Variants in SGCZ observed in about 807,000 individuals in gnomAD.
SGCZ encodes the protein sarcoglycan zeta, also known as zeta-sarcoglycan.
A neutral mutation model predicts 41.3 loss-of-function variants in SGCZ; 40 were observed. The ratio of observed to expected loss-of-function variants is 0.97; its 90% confidence interval spans 0.75 to 1.26. The LOEUF (loss-of-function observed/expected upper bound fraction) is 1.26. Ranked by LOEUF, SGCZ falls within the 50% of genes most tolerant of loss-of-function variation. The pLI is 0.00. For missense variants in SGCZ, 552 were observed against 369.8 expected (o/e 1.49, Z -4.04); for synonymous variants, 206 against 137.5 (o/e 1.50, Z -3.49).
At chr8:14,650,942 T>C (rs532711714) in intron 1 of SGCZ, among the ~76,000 whole-genome samples, 45 of 152,158 alleles carry the variant, frequency 3.0e-4, no homozygotes, top group African/African-American at 1.1e-3. Flanking sequence ...CTAGAACAAA[T>C]GACTAAATGC....
chr8:14,914,661 T>C (rs1799374948), intron 1 of SGCZ, among the ~76,000 whole-genome samples: 1 of 152,152 alleles, frequency 6.6e-6, no homozygotes, highest in South Asian at 2.1e-4. Flanking sequence ...ACAAAGGCAC[T>C]TAAAATAATT....
chr8:14,945,929 C>G (rs1436518311), intron 1 of SGCZ, among the ~76,000 whole-genome samples: 1 of 140,348 alleles, frequency 7.1e-6, no homozygotes, highest in African/African-American at 2.7e-5. Flanking sequence ...ATTGGCATGC[C>G]AGATTGCAGA....
rs572485842 is a variant in SGCZ at position 15,238,345 on chromosome 8, G to A, written c.-722C>T. 2 of 152,342 alleles carry A rather than the reference G, an allele frequency of 1.3e-5. No individual in the cohort carries two copies. Among genetic ancestry groups the A allele is most frequent in the South Asian group, 2.1e-4 (1 of 4,824 alleles). 9.4% of individuals were successfully genotyped at this position (152,342 alleles called of 1,614,324 possible). ...AAAGAGGGAGAGAAAGAGAGAGGGA[G>A]AGAAAAATTTTCCTCCTGCTTCGCT... On this transcript the variant is annotated 5_prime_UTR_variant, in exon 1 of 8. Coordinates refer to ENST00000382080, the MANE Select transcript of SGCZ (RefSeq NM_139167.4).
intron 1 of SGCZ, among the ~76,000 whole-genome samples, chr8:15,079,094 C>T (rs1317666376): frequency 6.6e-6 from 1 of 152,120 alleles, no homozygotes; most frequent in Non-Finnish European, 1.5e-5. Context: ...AATCTAGCCT[C>T]TAAAAGATCC....
intron 1 of SGCZ, among the ~76,000 whole-genome samples, chr8:14,876,787 T>C (rs1804372310): frequency 6.6e-6 from 1 of 152,154 alleles, no homozygotes; most frequent in South Asian, 2.1e-4. Flanking sequence ...AGAAATTATA[T>C]GTAACAAACA....
intron 5 of SGCZ, among the ~76,000 whole-genome samples, chr8:14,147,190 A>C (rs1803554036): frequency 6.6e-6 from 1 of 152,134 alleles, no homozygotes; most frequent in Non-Finnish European, 1.5e-5. Flanking sequence ...GGAAGACAGG[A>C]AGAAAAGTAG....
intron 1 of SGCZ, among the ~76,000 whole-genome samples, chr8:14,929,139 G>C (rs866546299): frequency 6.6e-6 from 1 of 152,006 alleles, no homozygotes; most frequent in African/African-American, 2.4e-5. Flanking sequence ...CTAGAAGCGT[G>C]CACCACCACG....
intron 5 of SGCZ, among the ~76,000 whole-genome samples, chr8:14,159,819 G>A (rs1419496329): frequency 6.6e-6 from 1 of 152,098 alleles, no homozygotes; most frequent in Non-Finnish European, 1.5e-5. Flanking sequence ...ATCGCAGTGT[G>A]CCAATTTAAT....
At chr8:14,870,346 C>G (rs1002921100) in intron 1 of SGCZ, among the ~76,000 whole-genome samples, 1 of 152,124 alleles carries the variant, frequency 6.6e-6, no homozygotes, top group Non-Finnish European at 1.5e-5. Context: ...TCTGAATTCC[C>G]AGTTTAATAA....
chr8:14,193,008 A>T (rs1156863901), intron 4 of SGCZ, among the ~76,000 whole-genome samples: 1 of 151,700 alleles, frequency 6.6e-6, no homozygotes, highest in African/African-American at 2.4e-5. Flanking sequence ...TTCTAAATAT[A>T]CAAATTATGG....
chr8:14,603,015 G>A (rs1313460107), intron 1 of SGCZ, among the ~76,000 whole-genome samples: 3 of 152,150 alleles, frequency 2.0e-5, no homozygotes, highest in African/African-American at 7.2e-5. Flanking sequence ...CTTAATCTAG[G>A]AAAACATTCA....
intron 1 of SGCZ, among the ~76,000 whole-genome samples, chr8:14,985,159 ATTG>A (rs1563411671): frequency 1.3e-5 from 2 of 152,174 alleles, no homozygotes; most frequent in Non-Finnish European, 2.9e-5. Context: ...TTGGATGCTT[ATTG>A]TTGTCTCCCT....
intron 1 of SGCZ, among the ~76,000 whole-genome samples, chr8:14,974,275 A>G (rs1219058552): frequency 6.6e-6 from 1 of 152,206 alleles, no homozygotes; most frequent in Non-Finnish European, 1.5e-5. Context: ...AGAAACAAAA[A>G]AATTCTATTG....
intron 1 of SGCZ, among the ~76,000 whole-genome samples, chr8:14,723,002 A>G (rs549547736): frequency 1.3e-5 from 2 of 152,330 alleles, no homozygotes; most frequent in African/African-American, 4.8e-5. Flanking sequence ...CGCAGATTCT[A>G]ATTTCAAGCT....
chr8:14,563,515 C>G (rs1804269944), intron 1 of SGCZ, among the ~76,000 whole-genome samples: 1 of 152,128 alleles, frequency 6.6e-6, no homozygotes, highest in Non-Finnish European at 1.5e-5. Flanking sequence ...AATAGAATGC[C>G]TTGTTTTATT....
intron 2 of SGCZ, among the ~76,000 whole-genome samples, chr8:14,480,842 C>T (rs930171006): frequency 1.3e-5 from 2 of 151,926 alleles, no homozygotes; most frequent in Non-Finnish European, 2.9e-5. Flanking sequence ...TCACAACAAA[C>T]TCCCATGATA....
chr8:14,485,969 G>C (rs1801662140), intron 2 of SGCZ, among the ~76,000 whole-genome samples: 1 of 151,298 alleles, frequency 6.6e-6, no homozygotes, highest in Admixed American at 6.6e-5. Context: ...AGCCTCCCGA[G>C]TAGCTGGGAC....
chr8:15,127,264 ACACACACAC>A (rs1807737961), intron 1 of SGCZ, among the ~76,000 whole-genome samples: 1 of 76,744 alleles, frequency 1.3e-5, no homozygotes, highest in African/African-American at 9.2e-5. Flanking sequence ...ACAAACAAAC[ACACACACAC>A]ACACACACAC....
At chr8:14,249,362 C>T (rs1420587480) in intron 3 of SGCZ, among the ~76,000 whole-genome samples, 1 of 152,106 alleles carries the variant, frequency 6.6e-6, no homozygotes, top group African/African-American at 2.4e-5. Flanking sequence ...TGGCTAACTA[C>T]AGATCCTGGG....
Sources: gnomAD v4.1 joint callset for allele counts (sites outside exome capture counted in the v4.1 genomes callset) on GRCh38, gnomAD v4.1.1 for gene constraint, MANE v1.5 for transcripts, NCBI Gene and HGNC (gene_info 2026-07-23, HGNC 2026-07-21) for gene names.